Variants in MSRA observed in about 807,000 individuals in gnomAD.
MSRA encodes the protein methionine sulfoxide reductase A.
Under a neutral mutation model 31.3 loss-of-function variants are expected in MSRA, and 54 were observed. The observed-to-expected ratio is 1.73, with a 90% confidence interval of 1.39 to 2.17. MSRA has a LOEUF of 2.17. MSRA is among the 30% of genes most tolerant of loss of function. The pLI, the probability that MSRA is intolerant of heterozygous loss-of-function variation, is 0.00. For synonymous variants in MSRA, 169 were observed against 116.5 expected, an observed-to-expected ratio of 1.45 and a Z score of -2.90; for missense variants, 507 against 300.9, an observed-to-expected ratio of 1.69 and a Z score of -5.07.
intron 2 of MSRA, among the ~76,000 whole-genome samples, chr8:10,224,799 C>G (rs1810851096): frequency 6.6e-6 from 1 of 152,204 alleles, no homozygotes; most frequent in South Asian, 2.1e-4. Flanking sequence ...CTTAGTCTGA[C>G]ATGTAAGGTT....
At position 10,320,713 on chromosome 8, in the gene MSRA, A is replaced by C. The variant is rs369433174; in HGVS notation, c.543+724A>C. 2.5e-4 allele frequency among the ~76,000 whole-genome samples: 38 copies of C among 152,322 alleles called. No individual in the cohort carries two copies. In the East Asian group the frequency reaches 6.4e-3, roughly 26 times the overall value. Reference sequence around the variant, plus strand: ...CAATTCTGGAGGCTGGAAGTCCAAGATCAAGGTGTCGGCAGGGCTGGTTCC... The same window carrying C: ...CAATTCTGGAGGCTGGAAGTCCAAGCTCAAGGTGTCGGCAGGGCTGGTTCC... On this transcript the variant is annotated intron_variant, in intron 5 of 5. Transcript: ENST00000317173.
chr8:10,405,938 T>A (rs1017820337), intron 5 of MSRA, among the ~76,000 whole-genome samples: 1 of 152,202 alleles, frequency 6.6e-6, no homozygotes, highest in Non-Finnish European at 1.5e-5. Flanking sequence ...TCACATGTGC[T>A]CACACACACA....
At chr8:10,329,801 G>T (rs978052477) in intron 5 of MSRA, among the ~76,000 whole-genome samples, 1 of 151,818 alleles carries the variant, frequency 6.6e-6, no homozygotes. Context: ...AGCGAGATGG[G>T]ATTTGATTTC....
chr8:10,155,130 C>T (rs541207144), intron 1 of MSRA, among the ~76,000 whole-genome samples: 13 of 151,958 alleles, frequency 8.6e-5, no homozygotes, highest in Non-Finnish European at 1.8e-4. Flanking sequence ...GTTATACTCA[C>T]ACCACATATA....
intron 1 of MSRA, among the ~76,000 whole-genome samples, chr8:10,128,750 C>A (rs190719527): frequency 3.3e-5 from 5 of 152,336 alleles, no homozygotes; most frequent in East Asian, 3.9e-4. Context: ...CTTAAAACTT[C>A]TTTTCTATTC....
chr8:10,403,153 GC>G (rs927376821), intron 5 of MSRA, among the ~76,000 whole-genome samples: 9 of 152,272 alleles, frequency 5.9e-5, no homozygotes, highest in Middle Eastern at 6.8e-3. Flanking sequence ...ATGTCCCAGG[GC>G]TGGCTTGGAG....
At chr8:10,416,143 C>T (rs796121037) in intron 5 of MSRA, among the ~76,000 whole-genome samples, 18 of 152,242 alleles carry the variant, frequency 1.2e-4, no homozygotes, top group African/African-American at 3.9e-4. Flanking sequence ...GCAGACACGT[C>T]GTGGGAATTG....
intron 1 of MSRA, among the ~76,000 whole-genome samples, chr8:10,138,828 G>A (rs140002316): frequency 6.6e-5 from 10 of 152,172 alleles, no homozygotes; most frequent in African/African-American, 9.7e-5. Flanking sequence ...GGAAAATTCC[G>A]TGAGAGTGAT....
At chr8:10,100,795 G>A (rs949654976) in intron 1 of MSRA, among the ~76,000 whole-genome samples, 1 of 152,100 alleles carries the variant, frequency 6.6e-6, no homozygotes, top group African/African-American at 2.4e-5. Context: ...TGTATTGCAC[G>A]TTATCAGAGG....
intron 5 of MSRA, among the ~76,000 whole-genome samples, chr8:10,378,453 C>A (rs1355876123): frequency 6.6e-6 from 1 of 152,176 alleles, no homozygotes; most frequent in Non-Finnish European, 1.5e-5. Context: ...TCTCTGTGAA[C>A]CACTGAGGCA....
chr8:10,300,302 C>A (rs1214307461), intron 3 of MSRA, among the ~76,000 whole-genome samples: 1 of 151,898 alleles, frequency 6.6e-6, no homozygotes, highest in Non-Finnish European at 1.5e-5. Flanking sequence ...GTTGCCAAGG[C>A]TGGAGTGCAG....
At chr8:10,060,383 A>G (rs1341782126) in intron 1 of MSRA, among the ~76,000 whole-genome samples, 1 of 152,238 alleles carries the variant, frequency 6.6e-6, no homozygotes, top group Non-Finnish European at 1.5e-5. Context: ...CAGTATGCTA[A>G]CTTTTCTGTG....
chr8:10,257,312 C>T (rs1279674123), intron 3 of MSRA, among the ~76,000 whole-genome samples: 12 of 152,176 alleles, frequency 7.9e-5, no homozygotes, highest in African/African-American at 2.2e-4. Flanking sequence ...CCCTTACCCC[C>T]GGAACATTTG....
chr8:10,404,699 T>A (rs1807690507), intron 5 of MSRA, among the ~76,000 whole-genome samples: 2 of 152,168 alleles, frequency 1.3e-5, no homozygotes, highest in African/African-American at 4.8e-5. Context: ...AGCCCGGCCC[T>A]CCGTGCCTTC....
chr8:10,094,181 G>T (rs1213255856), intron 1 of MSRA, among the ~76,000 whole-genome samples: 1 of 152,170 alleles, frequency 6.6e-6, no homozygotes, highest in Non-Finnish European at 1.5e-5. Context: ...TGATATCTCT[G>T]TAGCATTTTA....
intron 2 of MSRA, among the ~76,000 whole-genome samples, chr8:10,215,064 G>A (rs534575808): frequency 3.6e-4 from 55 of 152,322 alleles, no homozygotes; most frequent in African/African-American, 1.3e-3. Flanking sequence ...ATGGAAGGTG[G>A]ACTGTAGGTT....
At chr8:10,276,609 C>A (rs942095962) in intron 3 of MSRA, among the ~76,000 whole-genome samples, 3 of 152,178 alleles carry the variant, frequency 2.0e-5, no homozygotes, top group African/African-American at 7.2e-5. Flanking sequence ...GCCATCTCGT[C>A]CTTTATTAAT....
intron 1 of MSRA, among the ~76,000 whole-genome samples, chr8:10,101,469 C>T (rs1244811545): frequency 6.6e-6 from 1 of 152,024 alleles, no homozygotes; most frequent in Non-Finnish European, 1.5e-5. Context: ...GTCATCAAGC[C>T]ACAGAAGTCT....
intron 2 of MSRA, among the ~76,000 whole-genome samples, chr8:10,211,234 G>T (rs1809467181): frequency 6.6e-6 from 1 of 152,088 alleles, no homozygotes; most frequent in African/African-American, 2.4e-5. Context: ...TGCATGAATG[G>T]TCATATCAAG....
Sources: gnomAD v4.1 joint callset for allele counts (sites outside exome capture counted in the v4.1 genomes callset) on GRCh38, gnomAD v4.1.1 for gene constraint, MANE v1.5 for transcripts, NCBI Gene and HGNC (gene_info 2026-07-23, HGNC 2026-07-21) for gene names.